Variants in BLTP1 observed in about 807,000 individuals in gnomAD.
The protein encoded by BLTP1 is bridge-like lipid transfer protein family member 1, also known as fragile site-associated protein.
chr4:122,218,120 C>T, the BLTP1 span, among the ~76,000 whole-genome samples: 1 of 151,978 alleles, frequency 6.6e-6, no homozygotes, highest in Non-Finnish European at 1.5e-5. Context: ...CTTGGTTAAT[C>T]TCATGGATGG....
At chr4:122,288,711 C>T in the BLTP1 span, 4 of 478,972 alleles carry the variant, frequency 8.4e-6, no homozygotes, top group Non-Finnish European at 1.1e-5. Context: ...TTTTACTTAA[C>T]TCGTCTATGA....
the BLTP1 span, chr4:122,336,101 C>A: frequency 9.8e-7 from 1 of 1,015,472 alleles, no homozygotes; most frequent in Non-Finnish European, 1.4e-6. Flanking sequence ...ATGTGAGGTA[C>A]TTTGCTTGAT....
the BLTP1 span, chr4:122,267,599 A>G: frequency 4.1e-6 from 4 of 972,284 alleles, no homozygotes; most frequent in Non-Finnish European, 4.9e-6. Flanking sequence ...TTCTGGGTTG[A>G]CGTGTCAGGT....
the BLTP1 span, chr4:122,212,006 A>G: frequency 7.3e-6 from 7 of 960,830 alleles, no homozygotes; most frequent in Non-Finnish European, 8.7e-6. Context: ...CAGGATCGGC[A>G]GATTCACTTT....
chr4:122,357,267 A>C, the BLTP1 span, among the ~76,000 whole-genome samples: 1 of 152,158 alleles, frequency 6.6e-6, no homozygotes, highest in Admixed American at 6.6e-5. Context: ...TTTACCCATT[A>C]AGAAATGTAT....
the BLTP1 span, chr4:122,298,362 C>A: frequency 3.2e-6 from 1 of 311,208 alleles, no homozygotes. Flanking sequence ...TTCACCCATC[C>A]TGTTAGAAAG....
At chr4:122,229,388 A>G in the BLTP1 span, 61 of 577,124 alleles carry the variant, frequency 1.1e-4, 1 homozygote, top group African/African-American at 1.1e-3. Flanking sequence ...TTACTAATCC[A>G]TGTTCTCTTC....
At chr4:122,253,310 A>G in the BLTP1 span, among the ~76,000 whole-genome samples, 1 of 152,056 alleles carries the variant, frequency 6.6e-6, no homozygotes, top group African/African-American at 2.4e-5. Context: ...AATGAATTAA[A>G]TAAGGCACCA....
the BLTP1 span, chr4:122,183,099 G>A: frequency 1.2e-6 from 1 of 803,906 alleles, no homozygotes; most frequent in Non-Finnish European, 1.5e-6. Flanking sequence ...ACTTTGGAAG[G>A]CCTAAGTGGG....
the BLTP1 span, chr4:122,199,384 A>T: frequency 6.2e-7 from 1 of 1,613,130 alleles, no homozygotes; most frequent in African/African-American, 1.3e-5. Flanking sequence ...TTAAGGGACA[A>T]CTCTTACATG....
the BLTP1 span, among the ~76,000 whole-genome samples, chr4:122,185,665 C>T: frequency 7.9e-5 from 12 of 152,096 alleles, no homozygotes; most frequent in Admixed American, 7.9e-4. Context: ...AATAAAGCAT[C>T]ATACTTTAAA....
At chr4:122,306,666 G>T in the BLTP1 span, 1 of 948,788 alleles carries the variant, frequency 1.1e-6, no homozygotes, top group Non-Finnish European at 1.3e-6. Flanking sequence ...TAAACATTGA[G>T]TAAGAGAGAA....
At chr4:122,201,149 T>G in the BLTP1 span, 1 of 1,562,480 alleles carries the variant, frequency 6.4e-7, no homozygotes, top group African/African-American at 1.4e-5. Context: ...TAGATATAAA[T>G]ACAGTGAGAT....
the BLTP1 span, chr4:122,226,505 A>C: frequency 6.1e-5 from 82 of 1,345,576 alleles, no homozygotes; most frequent in African/African-American, 1.2e-3. Context: ...TTTGTCATTC[A>C]TAAAGGAAAA....
At chr4:122,170,754 A>C in the BLTP1 span, 2 of 1,569,172 alleles carry the variant, frequency 1.3e-6, no homozygotes, top group Non-Finnish European at 1.7e-6. Context: ...GGTAAGTGGA[A>C]TATTTTTCTT....
chr4:122,240,151 G>A, the BLTP1 span: 1 of 1,614,110 alleles, frequency 6.2e-7, no homozygotes. Flanking sequence ...ACAGTGGAGA[G>A]TGAACAGATT....
At chr4:122,186,278 T>C in the BLTP1 span, 25 of 1,458,364 alleles carry the variant, frequency 1.7e-5, no homozygotes, top group Non-Finnish European at 2.2e-5. Flanking sequence ...TTTGCCTTTA[T>C]TAGAATATCA....
the BLTP1 span, among the ~76,000 whole-genome samples, chr4:122,179,381 A>G: frequency 6.6e-6 from 1 of 152,154 alleles, no homozygotes; most frequent in African/African-American, 2.4e-5. Flanking sequence ...TCTTGTTTCT[A>G]TTTAGTTCAC....
At chr4:122,245,118 G>A in the BLTP1 span, 1 of 1,608,854 alleles carries the variant, frequency 6.2e-7, no homozygotes, top group Non-Finnish European at 8.5e-7. Flanking sequence ...GTCCAAAATA[G>A]CAAGACTACC....
Sources: gnomAD v4.1 joint callset for allele counts (sites outside exome capture counted in the v4.1 genomes callset) on GRCh38, gnomAD v4.1.1 for gene constraint, MANE v1.5 for transcripts, NCBI Gene and HGNC (gene_info 2026-07-23, HGNC 2026-07-21) for gene names.